OR9Q1: variants seen among roughly 807,000 people sequenced by gnomAD.
OR9Q1 encodes olfactory receptor 9Q1.
For synonymous variants in OR9Q1, 153 were observed against 148.6 expected (o/e 1.03, Z -0.22); for missense variants, 374 against 378.8 (o/e 0.99, Z 0.11).
chr11:58,144,968 C>T (rs1343626744), intron 2 of OR9Q1: 1 of 153,948 alleles, frequency 6.5e-6, no homozygotes, highest in Non-Finnish European at 1.5e-5. Context: ...ACTGGCTGCA[C>T]CTTCTCTATC....
intron 2 of OR9Q1, among the ~76,000 whole-genome samples, chr11:58,130,831 C>A (rs1237306797): frequency 6.6e-6 from 1 of 151,596 alleles, no homozygotes; most frequent in Non-Finnish European, 1.5e-5. Flanking sequence ...CCTTTTCCCC[C>A]ATTGTTCTGT....
chr11:58,171,400 G>A (rs1011803493), intron 2 of OR9Q1: 1 of 152,204 alleles, frequency 6.6e-6, no homozygotes, highest in African/African-American at 2.4e-5. Context: ...CTCTGTATAT[G>A]ATTCTGACCA....
At chr11:58,135,496 C>G (rs970104270) in intron 2 of OR9Q1, among the ~76,000 whole-genome samples, 3 of 152,088 alleles carry the variant, frequency 2.0e-5, no homozygotes, top group African/African-American at 7.2e-5. Context: ...ATTCCTTTTC[C>G]CTCTTTCTTC....
chr11:58,035,555 T>C (rs866187661), intron 1 of OR9Q1, among the ~76,000 whole-genome samples: 1 of 152,208 alleles, frequency 6.6e-6, no homozygotes, highest in African/African-American at 2.4e-5. Context: ...AATAATCATT[T>C]CAATGTGGAT....
At chr11:58,096,942 G>A (rs1853738077) in intron 2 of OR9Q1, among the ~76,000 whole-genome samples, 1 of 152,062 alleles carries the variant, frequency 6.6e-6, no homozygotes, top group Non-Finnish European at 1.5e-5. Context: ...GACCTCAAGT[G>A]ATCCATCTGC....
chr11:58,168,014 A>C (rs1204463536), intron 2 of OR9Q1, among the ~76,000 whole-genome samples: 1 of 152,228 alleles, frequency 6.6e-6, no homozygotes, highest in African/African-American at 2.4e-5. Flanking sequence ...TGAATTCATC[A>C]ATACAATCAA....
At chr11:58,177,399 T>A (rs1328971999) in intron 2 of OR9Q1, among the ~76,000 whole-genome samples, 1 of 152,228 alleles carries the variant, frequency 6.6e-6, no homozygotes, top group Non-Finnish European at 1.5e-5. Context: ...CTTAAGCCCT[T>A]TCTTTCTTGG....
At chr11:58,031,507 C>A (rs944650143) in intron 1 of OR9Q1, 1 of 1,614,006 alleles carries the variant, frequency 6.2e-7, no homozygotes, top group Non-Finnish European at 8.5e-7. Flanking sequence ...CCTGTGATGC[C>A]TCACCCTTGC....
At chr11:58,037,508 T>C (rs1244514428) in intron 1 of OR9Q1, among the ~76,000 whole-genome samples, 3 of 151,372 alleles carry the variant, frequency 2.0e-5, no homozygotes. Context: ...CAAAACATAC[T>C]GGGTTATGTA....
chr11:58,118,996 A>G (rs761629526), intron 2 of OR9Q1: 1 of 1,613,934 alleles, frequency 6.2e-7, no homozygotes, highest in Non-Finnish European at 8.5e-7. Flanking sequence ...CACCCCACAG[A>G]CATAGGCTCC....
chr11:58,175,105 CAAAAAAAAA>C (rs57623932), intron 2 of OR9Q1, among the ~76,000 whole-genome samples: 2 of 69,296 alleles, frequency 2.9e-5, no homozygotes, highest in Non-Finnish European at 5.1e-5. Context: ...GACTCTGTCT[CAAAAAAAAA>C]AAAAAAAAAA....
At chr11:58,128,577 GA>G (rs1854111745) in intron 2 of OR9Q1, among the ~76,000 whole-genome samples, 1 of 151,986 alleles carries the variant, frequency 6.6e-6, no homozygotes. Flanking sequence ...GCGTTATAAA[GA>G]AAATATAAGT....
chr11:58,110,282 G>A (rs898271282), intron 2 of OR9Q1, among the ~76,000 whole-genome samples: 2 of 152,120 alleles, frequency 1.3e-5, no homozygotes, highest in Non-Finnish European at 2.9e-5. Context: ...GACAGATAGT[G>A]GTAATGCCCA....
chr11:58,037,946 T>C (rs1853124760), intron 1 of OR9Q1, among the ~76,000 whole-genome samples: 1 of 148,050 alleles, frequency 6.8e-6, no homozygotes, highest in South Asian at 2.1e-4. Context: ...TTAGCCAGGA[T>C]GGTCTCGAAC....
At chr11:58,087,957 C>T (rs988805768) in intron 2 of OR9Q1, among the ~76,000 whole-genome samples, 16 of 151,498 alleles carry the variant, frequency 1.1e-4, no homozygotes, top group African/African-American at 2.4e-4. Flanking sequence ...GGTGTGATCT[C>T]GTTCACTGCA....
At chr11:58,031,572 C>T in intron 1 of OR9Q1, 1 of 1,613,998 alleles carries the variant, frequency 6.2e-7, no homozygotes, top group Non-Finnish European at 8.5e-7. Context: ...TTCCTGGTGT[C>T]TCTGGCTGTG....
chr11:58,080,379 A>G (rs1388634919), intron 2 of OR9Q1, among the ~76,000 whole-genome samples: 1 of 152,164 alleles, frequency 6.6e-6, no homozygotes, highest in Admixed American at 6.6e-5. Flanking sequence ...CATTAAAAAA[A>G]TCCACTTCAC....
intron 2 of OR9Q1, among the ~76,000 whole-genome samples, chr11:58,152,337 CTAA>C (rs1288593810): frequency 2.0e-5 from 3 of 152,154 alleles, no homozygotes; most frequent in Admixed American, 2.0e-4. Context: ...TTAAAATAAG[CTAA>C]TAATGGAATT....
At chr11:58,163,108 GA>G (rs1285893073) in intron 2 of OR9Q1, among the ~76,000 whole-genome samples, 1 of 152,174 alleles carries the variant, frequency 6.6e-6, no homozygotes, top group East Asian at 1.9e-4. Context: ...GCCAGGGTCA[GA>G]AGAATAGGGA....
Sources: gnomAD v4.1 joint callset for allele counts (sites outside exome capture counted in the v4.1 genomes callset) on GRCh38, gnomAD v4.1.1 for gene constraint, MANE v1.5 for transcripts, NCBI Gene and HGNC (gene_info 2026-07-23, HGNC 2026-07-21) for gene names.